Variants in TNFSF4 observed in about 807,000 individuals in gnomAD.
TNFSF4 encodes TNF superfamily member 4.
In TNFSF4, 4 loss-of-function variants were observed where a neutral mutation model predicts 7.3. That is an observed-to-expected ratio of 0.55 (90% CI 0.27 to 1.25). TNFSF4 has a LOEUF of 1.25. Ranked by LOEUF, TNFSF4 falls within the 50% of genes most tolerant of loss-of-function variation. The probability of loss-of-function intolerance (pLI) is 0.12; values close to 1 mark genes in which losing one functional copy is unlikely to be tolerated. For missense variants in TNFSF4, 181 were observed against 208.8 expected (o/e 0.87, Z 0.82); for synonymous variants, 76 against 83.7 (o/e 0.91, Z 0.50).
the TNFSF4 span, chr1:173,362,740 T>C: frequency 2.5e-6 from 1 of 395,864 alleles, no homozygotes; most frequent in Non-Finnish European, 5.0e-6. Context: ...TTTCAACACA[T>C]CTTGAAGATA....
the TNFSF4 span, among the ~76,000 whole-genome samples, chr1:173,280,125 A>T: frequency 1.3e-5 from 2 of 151,892 alleles, no homozygotes; most frequent in African/African-American, 4.8e-5. Flanking sequence ...CATCCTTCCA[A>T]ATTTAAACTA....
the TNFSF4 span, among the ~76,000 whole-genome samples, chr1:173,238,813 A>G: frequency 6.6e-6 from 1 of 152,230 alleles, no homozygotes; most frequent in African/African-American, 2.4e-5. Flanking sequence ...GGGAGTGTAG[A>G]TTAGTTCAGT....
At chr1:173,220,310 C>CT in the TNFSF4 span, among the ~76,000 whole-genome samples, 1 of 152,068 alleles carries the variant, frequency 6.6e-6, no homozygotes, top group Non-Finnish European at 1.5e-5. Context: ...GGAAATTAAC[C>CT]TGTTTTAAAC....
the TNFSF4 span, among the ~76,000 whole-genome samples, chr1:173,219,794 G>A: frequency 1.3e-5 from 2 of 152,082 alleles, no homozygotes; most frequent in African/African-American, 4.8e-5. Flanking sequence ...AACTAACCCA[G>A]GAATGGAAAA....
the TNFSF4 span, among the ~76,000 whole-genome samples, chr1:173,416,191 C>A: frequency 2.0e-5 from 3 of 151,940 alleles, no homozygotes; most frequent in Non-Finnish European, 4.4e-5. Context: ...GCTCTCTGGG[C>A]ACATGTAGGC....
At chr1:173,384,798 A>C in the TNFSF4 span, among the ~76,000 whole-genome samples, 1 of 152,236 alleles carries the variant, frequency 6.6e-6, no homozygotes, top group Non-Finnish European at 1.5e-5. Context: ...ACTAACAATC[A>C]ATCAACTGAG....
chr1:173,352,082 G>A, the TNFSF4 span: 1 of 295,756 alleles, frequency 3.4e-6, no homozygotes, highest in Non-Finnish European at 6.2e-6. Context: ...GGTGGCCATT[G>A]AGTTTTAGGC....
chr1:173,376,204 C>T, the TNFSF4 span, among the ~76,000 whole-genome samples: 1 of 152,132 alleles, frequency 6.6e-6, no homozygotes, highest in African/African-American at 2.4e-5. Flanking sequence ...ACCCAAATGC[C>T]CATCAATGAT....
the TNFSF4 span, among the ~76,000 whole-genome samples, chr1:173,346,909 G>A: frequency 6.6e-6 from 1 of 152,154 alleles, no homozygotes; most frequent in African/African-American, 2.4e-5. Flanking sequence ...CCAAGCAGAT[G>A]GAACCCATTC....
chr1:173,273,194 T>A, the TNFSF4 span, among the ~76,000 whole-genome samples: 2 of 152,158 alleles, frequency 1.3e-5, no homozygotes, highest in East Asian at 1.9e-4. Flanking sequence ...AACTACTGAT[T>A]TCTTTGGGGC....
chr1:173,407,487 G>A, the TNFSF4 span, among the ~76,000 whole-genome samples: 2 of 145,024 alleles, frequency 1.4e-5, no homozygotes, highest in African/African-American at 2.6e-5. Context: ...TTGAGCCCAG[G>A]AAGTGGAGGT....
chr1:173,382,577 T>A, the TNFSF4 span, among the ~76,000 whole-genome samples: 1 of 152,224 alleles, frequency 6.6e-6, no homozygotes, highest in Non-Finnish European at 1.5e-5. Context: ...TATAATTTTT[T>A]AAAAATACCA....
At chr1:173,317,696 T>C in the TNFSF4 span, among the ~76,000 whole-genome samples, 1 of 152,168 alleles carries the variant, frequency 6.6e-6, no homozygotes, top group Non-Finnish European at 1.5e-5. Flanking sequence ...AGAATATTAT[T>C]CCTGGATAGG....
At chr1:173,343,069 C>T in the TNFSF4 span, among the ~76,000 whole-genome samples, 3 of 152,236 alleles carry the variant, frequency 2.0e-5, no homozygotes, top group Non-Finnish European at 4.4e-5. Context: ...AAATTTCTCA[C>T]ATCCTTGCCT....
At chr1:173,283,295 C>G in the TNFSF4 span, among the ~76,000 whole-genome samples, 3 of 152,092 alleles carry the variant, frequency 2.0e-5, no homozygotes, top group African/African-American at 7.2e-5. Flanking sequence ...ATCCTTTCCC[C>G]CCCCAAAAAA....
chr1:173,368,413 T>C, the TNFSF4 span, among the ~76,000 whole-genome samples: 3 of 152,178 alleles, frequency 2.0e-5, no homozygotes, highest in African/African-American at 4.8e-5. Context: ...CTCCGGAATA[T>C]TGCCATGCAG....
the TNFSF4 span, among the ~76,000 whole-genome samples, chr1:173,253,519 C>G: frequency 6.6e-6 from 1 of 152,140 alleles, no homozygotes; most frequent in Non-Finnish European, 1.5e-5. Flanking sequence ...CCTTGCAATT[C>G]AACCTTAATA....
At chr1:173,344,021 G>T in the TNFSF4 span, among the ~76,000 whole-genome samples, 14,991 of 152,172 alleles carry the variant, frequency 0.099, 867 homozygotes, top group East Asian at 0.27. Context: ...GATCCTACAG[G>T]TTCTAGGAAT....
the TNFSF4 span, among the ~76,000 whole-genome samples, chr1:173,429,394 T>C: frequency 0.84 from 127,803 of 152,244 alleles, 53,936 homozygotes; most frequent in African/African-American, 0.92. Flanking sequence ...CCAGAATTCT[T>C]GTAGCATCTG....
Sources: allele counts gnomAD v4.1 joint callset (sites outside exome capture counted in the v4.1 genomes callset), GRCh38; gene constraint gnomAD v4.1.1; transcripts MANE v1.5; gene names NCBI Gene and HGNC (gene_info 2026-07-23, HGNC 2026-07-21).